The following CHEK2 variants were observed in gnomAD, a reference collection of about 807,000 sequenced individuals.
CHEK2 encodes the protein checkpoint kinase 2.
Under a neutral mutation model 69.1 loss-of-function variants are expected in CHEK2, and 71 were observed. The ratio of observed to expected loss-of-function variants is 1.03; its 90% CI spans 0.85 to 1.25. The LOEUF is 1.25. Ranked by LOEUF, CHEK2 falls within the 50% of genes most tolerant of loss-of-function variation. The pLI is 0.00. For missense variants in CHEK2, 664 were observed against 649.6 expected, an observed-to-expected ratio of 1.02 and a Z score of -0.24; for synonymous variants, 189 against 226.9, an observed-to-expected ratio of 0.83 and a Z score of 1.50.
chr22:28,731,953 T>C (rs962390213), intron 2 of CHEK2, among the ~76,000 whole-genome samples: 1 of 152,142 alleles, frequency 6.6e-6, no homozygotes, highest in Non-Finnish European at 1.5e-5. Context: ...TATTTGTTTA[T>C]TTTTTGGAGA....
chr22:28,694,977 T>C (rs908725539), intron 12 of CHEK2, 150 bp downstream of exon 12: 1 of 630,188 alleles, frequency 1.6e-6, no homozygotes, highest in African/African-American at 1.8e-5. Context: ...CTTAATAATT[T>C]CCAGTGCCTC....
chr22:28,713,313 ACTT>A, intron 5 of CHEK2, among the ~76,000 whole-genome samples: 1 of 152,032 alleles, frequency 6.6e-6, no homozygotes, highest in East Asian at 1.9e-4. Flanking sequence ...GATAAATTAT[ACTT>A]CTTCATTGTG....
At chr22:28,724,638 C>A in intron 4 of CHEK2, 1 of 363,814 alleles carries the variant, frequency 2.7e-6, no homozygotes, top group Non-Finnish European at 5.4e-6. Context: ...ACGATCTTGG[C>A]TCACTGCAAC....
rs56924042 is a variant in CHEK2 at position 28,711,584 on chromosome 22, G to C, written c.792+325C>G. Among the ~76,000 whole-genome samples, 3,757 of 152,074 alleles carry C rather than the reference G, an allele frequency of 0.025. 158 individuals are homozygous for C. Among genetic ancestry groups the C allele is most frequent in the African/African-American group, 0.084 (3,485 of 41,468 alleles). ...GCTGTGGGGTTACAGTGGGGATTATGGCTGAATTTTTTTCTCTAATTTCCT... is the reference window on the plus strand; with the variant it reads ...GCTGTGGGGTTACAGTGGGGATTATCGCTGAATTTTTTTCTCTAATTTCCT... On this transcript the variant is annotated intron_variant, in intron 6 of 14. Coordinates refer to ENST00000404276, the MANE Select transcript of CHEK2 (RefSeq NM_007194.4).
intron 5 of CHEK2, among the ~76,000 whole-genome samples, chr22:28,713,513 C>T (rs1189771117): frequency 2.0e-5 from 3 of 151,936 alleles, no homozygotes; most frequent in South Asian, 4.2e-4. Flanking sequence ...CCCGCCACCA[C>T]GCCCGGCTAA....
chr22:28,734,206 G>A (rs1331388054), intron 2 of CHEK2, among the ~76,000 whole-genome samples, 197 bp downstream of exon 2: 1 of 152,128 alleles, frequency 6.6e-6, no homozygotes, highest in Non-Finnish European at 1.5e-5. Flanking sequence ...CCCATCCTGT[G>A]ACATGTACTT....
In CHEK2 at chr22:28,725,084, T is replaced by C. The variant is rs587781652; in HGVS notation, c.485A>G (p.Asp162Gly). Residue 162 changes from aspartate (D) to glycine (G), a missense_variant, in exon 4 of 15, where the codon GAT (aspartate) becomes GGT (glycine). Transcript: ENST00000404276. The stretch of plus-strand genomic sequence containing the variant: ...TACAAAGGTTCCATTGCCACTGTGA[T>C]CTTCTATGTATGCAATGTAAGAGTT... The part of the protein sequence containing the change: ...PKNSYIAYIE[D>G]HSGNGTFVNT... 4.3e-6 allele frequency: 7 copies of C among 1,613,898 alleles called. No homozygotes were observed. Among genetic ancestry groups the C allele is most frequent in the Non-Finnish European group, 5.9e-6 (7 of 1,179,890 alleles).
intron 11 of CHEK2, among the ~76,000 whole-genome samples, chr22:28,695,502 G>A (rs2052537725): frequency 1.3e-5 from 2 of 151,892 alleles, no homozygotes; most frequent in African/African-American, 4.8e-5. Context: ...ACAAAAAATA[G>A]AAAAATTAGC....
At chr22:28,722,569 AG>A (rs1262062928) in intron 4 of CHEK2, among the ~76,000 whole-genome samples, 1 of 151,580 alleles carries the variant, frequency 6.6e-6, no homozygotes, top group Non-Finnish European at 1.5e-5. Flanking sequence ...AGAAAAGAAA[AG>A]AAAAGAAAAC....
At chr22:28,720,772 A>G (rs1163546152) in intron 4 of CHEK2, among the ~76,000 whole-genome samples, 1 of 152,214 alleles carries the variant, frequency 6.6e-6, no homozygotes, top group Non-Finnish European at 1.5e-5. Flanking sequence ...GTAGCTATTC[A>G]TAACGCTGTA....
At chr22:28,696,656 G>A (rs2052596547) in intron 10 of CHEK2, among the ~76,000 whole-genome samples, 1 of 152,068 alleles carries the variant, frequency 6.6e-6, no homozygotes, top group Admixed American at 6.6e-5. Context: ...ACCATACCCA[G>A]CCCACTCGTC....
At chr22:28,739,349 T>C (rs1197677029) in intron 1 of CHEK2, among the ~76,000 whole-genome samples, 1 of 150,892 alleles carries the variant, frequency 6.6e-6, no homozygotes, top group Non-Finnish European at 1.5e-5. Context: ...AACAGGTATA[T>C]TAAAAAAATG....
At chr22:28,715,004 C>G (rs2053538863) in intron 5 of CHEK2, among the ~76,000 whole-genome samples, 1 of 152,152 alleles carries the variant, frequency 6.6e-6, no homozygotes, top group Non-Finnish European at 1.5e-5. Context: ...ATAACCAAAA[C>G]TGAGCTGGAG....
intron 4 of CHEK2, chr22:28,724,667 A>T: frequency 2.6e-6 from 1 of 380,378 alleles, no homozygotes; most frequent in Non-Finnish European, 5.1e-6. Context: ...CCCGGGTTCA[A>T]GCGATTCTCC....
intron 9 of CHEK2, among the ~76,000 whole-genome samples, chr22:28,699,362 CTTTTTTT>C (rs67508991): frequency 1.7e-4 from 13 of 78,038 alleles, no homozygotes; most frequent in Non-Finnish European, 2.9e-4. Flanking sequence ...AGAGCTTTTT[CTTTTTTT>C]TTTTTTTTTT....
chr22:28,735,754 C>T lies in CHEK2; in HGVS notation c.-6-1027G>A, dbSNP rs17885486. Among the ~76,000 whole-genome samples, 12 of 151,844 alleles carry T rather than the reference C, an allele frequency of 7.9e-5. No homozygotes were observed. In the South Asian group the frequency reaches 1.5e-3, roughly 18 times the overall value. On this transcript the variant is annotated intron_variant, in intron 1 of 14. Coordinates refer to ENST00000404276, the MANE Select transcript of CHEK2 (RefSeq NM_007194.4). ...AAAATTAGCCGGGTGTGGTGGCAGG[C>T]GCCTGTAGTTCCAGCTACTCAGGAG...
In CHEK2 at chr22:28,691,059, G is replaced by A. The variant is rs536715923; in HGVS notation, c.1462-1844C>T. Among the ~76,000 whole-genome samples, 13 of 152,226 alleles carry A rather than the reference G, an allele frequency of 8.5e-5. No homozygotes were observed. The South Asian group carries it at 1.2e-3, about 15-fold the overall frequency. ...AGCAAGCTCATCTGGATTCTACTCC[G>A]CACCCTCTCACGGCCTTACTTAGGA... On this transcript the variant is annotated intron_variant, in intron 13 of 14. Transcript: ENST00000404276.
chr22:28,702,125 GTGTGTGTGTC>G (rs2052883228), intron 8 of CHEK2, among the ~76,000 whole-genome samples: 1 of 113,190 alleles, frequency 8.8e-6, no homozygotes, highest in South Asian at 3.0e-4. Context: ...CTAATTTTGT[GTGTGTGTGTC>G]TGTGTGTGTG....
In CHEK2 at chr22:28,729,366, C is replaced by A. The variant is rs1276580731; in HGVS notation, c.320-3999G>T. 2.2e-5 allele frequency: 4 copies of A among 183,396 alleles called. No homozygotes were observed. The South Asian group carries it at 2.8e-4, about 13-fold the overall frequency. The allele number at this position is 183,396 out of a possible 1,614,324, so 11.4% of individuals were successfully genotyped here. ...GACCATCCTGGCTAACACGGTGAAA[C>A]CCCGTCTCTACTAAAAATACAAAAA... On this transcript the variant is annotated intron_variant, in intron 2 of 14. Coordinates refer to ENST00000404276, the MANE Select transcript of CHEK2 (RefSeq NM_007194.4).
Sources: gnomAD v4.1 joint callset for allele counts (sites outside exome capture counted in the v4.1 genomes callset) on GRCh38, gnomAD v4.1.1 for gene constraint, MANE v1.5 for transcripts, NCBI Gene and HGNC (gene_info 2026-07-23, HGNC 2026-07-21) for gene names.